CRYBA4: variants seen among roughly 807,000 people sequenced by gnomAD.
CRYBA4 encodes the protein beta-crystallin A4.
In CRYBA4, 30 loss-of-function variants were observed where a neutral mutation model predicts 31.7. The ratio of observed to expected loss-of-function variants is 0.95; its 90% CI spans 0.71 to 1.28. The LOEUF (loss-of-function observed/expected upper bound fraction) is 1.28, where lower values mean the gene tolerates loss of function less well. Among genes scored for constraint, CRYBA4 ranks in the 50% most tolerant of loss-of-function variants. The probability of loss-of-function intolerance (pLI) is 0.00; values close to 1 mark genes in which losing one functional copy is unlikely to be tolerated. For missense variants in CRYBA4, 225 were observed against 260.7 expected, an observed-to-expected ratio of 0.86 and a Z score of 0.94; for synonymous variants, 102 against 102.3, an observed-to-expected ratio of 1.00 and a Z score of 0.02.
chr22:26,615,420 G>T, the CRYBA4 span, among the ~76,000 whole-genome samples: 1 of 152,158 alleles, frequency 6.6e-6, no homozygotes, highest in Non-Finnish European at 1.5e-5. Flanking sequence ...GTGTGCAGGT[G>T]TAGCCTGATT....
At chr22:26,599,396 T>G in the CRYBA4 span, 1 of 1,299,630 alleles carries the variant, frequency 7.7e-7, no homozygotes, top group Non-Finnish European at 1.1e-6. Flanking sequence ...AGGAGAAATT[T>G]TGGCTTTAGG....
At chr22:26,610,367 G>A in the CRYBA4 span, among the ~76,000 whole-genome samples, 5 of 152,190 alleles carry the variant, frequency 3.3e-5, no homozygotes, top group East Asian at 9.7e-4. Context: ...GGCCCTGCCA[G>A]CGCCCACACA....
chr22:26,624,523 T>A (rs1220573950), intron 3 of CRYBA4, among the ~76,000 whole-genome samples: 1 of 152,196 alleles, frequency 6.6e-6, no homozygotes, highest in African/African-American at 2.4e-5. Context: ...CACCTGTGAG[T>A]GCCACCTGAG....
chr22:26,627,362 T>TCCCTCCCTCCCTCC (rs1569211574), intron 4 of CRYBA4, among the ~76,000 whole-genome samples: 1 of 30,810 alleles, frequency 3.2e-5, no homozygotes, highest in Admixed American at 3.9e-4. Flanking sequence ...CCTCCCTCCT[T>TCCCTCCCTCCCTCC]TCTTTCTTTC....
At chr22:26,604,574 A>G in the CRYBA4 span, among the ~76,000 whole-genome samples, 1 of 152,228 alleles carries the variant, frequency 6.6e-6, no homozygotes, top group African/African-American at 2.4e-5. Flanking sequence ...GGGACCTTGG[A>G]GGTTAAGGAG....
the CRYBA4 span, among the ~76,000 whole-genome samples, chr22:26,594,393 G>A: frequency 1.3e-5 from 2 of 152,108 alleles, no homozygotes; most frequent in Admixed American, 6.6e-5. Flanking sequence ...ACACACTGCC[G>A]GCGTTGGGCT....
the CRYBA4 span, among the ~76,000 whole-genome samples, chr22:26,596,124 G>A: frequency 6.6e-6 from 1 of 151,974 alleles, no homozygotes. Context: ...TTTTTGAGAT[G>A]GAAGCTTGTT....
At chr22:26,621,423 A>C (rs982998038), upstream of CRYBA4, among the ~76,000 whole-genome samples, 8 of 152,182 alleles carry the variant, frequency 5.3e-5, no homozygotes, top group African/African-American at 1.9e-4. Context: ...CACTCTGTAC[A>C]TATCTTCCTC....
At chr22:26,614,149 C>G in the CRYBA4 span, among the ~76,000 whole-genome samples, 1 of 152,182 alleles carries the variant, frequency 6.6e-6, no homozygotes, top group African/African-American at 2.4e-5. Context: ...AATTTTGCCC[C>G]GGTCCTGTGA....
At chr22:26,616,375 C>T in the CRYBA4 span, 1 of 1,428,548 alleles carries the variant, frequency 7.0e-7, no homozygotes, top group Non-Finnish European at 9.8e-7. Flanking sequence ...ATGACACCCC[C>T]AAACTGCCTC....
the CRYBA4 span, among the ~76,000 whole-genome samples, chr22:26,592,150 C>T: frequency 6.6e-6 from 1 of 152,278 alleles, no homozygotes; most frequent in Admixed American, 6.5e-5. Flanking sequence ...TTAGAGACTT[C>T]ATATGACTGA....
chr22:26,612,069 C>T, the CRYBA4 span: 1 of 1,608,404 alleles, frequency 6.2e-7, no homozygotes, highest in Non-Finnish European at 8.5e-7. Flanking sequence ...GCCCAGTACT[C>T]ACGGTCCCGC....
chr22:26,592,455 C>T, the CRYBA4 span, among the ~76,000 whole-genome samples: 2 of 152,130 alleles, frequency 1.3e-5, no homozygotes, highest in African/African-American at 2.4e-5. Flanking sequence ...GAGGGCCAGG[C>T]GTGTGTATAC....
the CRYBA4 span, among the ~76,000 whole-genome samples, chr22:26,603,180 G>T: frequency 6.6e-6 from 1 of 150,988 alleles, no homozygotes. Context: ...TTTATGCACT[G>T]GTGATCTTGG....
chr22:26,630,057 G>A (rs181654445), intron 5 of CRYBA4, among the ~76,000 whole-genome samples: 2 of 152,334 alleles, frequency 1.3e-5, no homozygotes, highest in South Asian at 2.1e-4. Context: ...AAGGGACTGT[G>A]GCCTGATTTG....
upstream of CRYBA4, among the ~76,000 whole-genome samples, chr22:26,619,648 C>G (rs1484387275): frequency 6.6e-6 from 1 of 152,252 alleles, no homozygotes; most frequent in Non-Finnish European, 1.5e-5. Context: ...CCCAGCACCC[C>G]CTCGCTTCCT....
upstream of CRYBA4, among the ~76,000 whole-genome samples, chr22:26,619,778 C>A (rs1161369159): frequency 2.0e-5 from 3 of 152,206 alleles, no homozygotes; most frequent in Non-Finnish European, 4.4e-5. Flanking sequence ...GGCCCACCCA[C>A]CAGTCTAGGC....
the CRYBA4 span, chr22:26,611,982 C>T: frequency 2.1e-6 from 2 of 941,420 alleles, no homozygotes; most frequent in Non-Finnish European, 3.5e-6. Flanking sequence ...CGGCCGCAGG[C>T]ACAGAGCAGA....
At chr22:26,620,700 A>T (rs943344170), upstream of CRYBA4, among the ~76,000 whole-genome samples, 3 of 25,872 alleles carry the variant, frequency 1.2e-4, no homozygotes, top group Non-Finnish European at 2.0e-4. Context: ...AGTAGCTGGG[A>T]TTACAGGCGC....
Sources: gnomAD v4.1 joint callset for allele counts (sites outside exome capture counted in the v4.1 genomes callset) on GRCh38, gnomAD v4.1.1 for gene constraint, MANE v1.5 for transcripts, NCBI Gene and HGNC (gene_info 2026-07-23, HGNC 2026-07-21) for gene names.